The following PTCD3 variants were observed in gnomAD, a reference collection of about 807,000 sequenced individuals.
PTCD3 encodes small ribosomal subunit protein mS39.
PTCD3 carries 89 observed loss-of-function variants against 101.9 expected under a neutral mutation model. The observed-to-expected ratio is 0.87, with a 90% confidence interval of 0.74 to 1.04. PTCD3 has a LOEUF of 1.04. Among genes scored for constraint, PTCD3 ranks in the 50% least tolerant of loss-of-function variants. The pLI is 0.00. For missense variants in PTCD3, 870 were observed against 828.2 expected (o/e 1.05, Z -0.62); for synonymous variants, 296 against 278.5 (o/e 1.06, Z -0.63).
At position 86,106,312 on chromosome 2, in the gene PTCD3, GT is replaced by G; in HGVS notation, c.66del (p.Arg23GlyfsTer29). 6 of 1,614,104 alleles carry G rather than the reference GT, an allele frequency of 3.7e-6. No individual in the cohort carries two copies. Among genetic ancestry groups the G allele is most frequent in the Non-Finnish European group, 4.2e-6 (5 of 1,180,004 alleles). ...AGCAGGCTTGGCCAGCCGCTGACGG[GT>G]CGGCGGGCGGGTTTGTGTGAACAGG... is the stretch of plus-strand genomic sequence containing the variant. The part of the protein sequence containing the change: ...LRSRLGQPLT[G>X]RRAGLCEQAR... On this transcript the variant is annotated frameshift_variant, in exon 1 of 24. Transcript: ENST00000254630. LOFTEE classifies it high-confidence loss of function.
At chr2:86,135,908 T>G (rs766987143) in intron 21 of PTCD3, 2 of 519,144 alleles carry the variant, frequency 3.9e-6, no homozygotes, top group Non-Finnish European at 7.7e-6. Flanking sequence ...GGACCTCAGC[T>G]GAGTCATGGG....
chr2:86,125,386 C>G (rs1674365115), intron 10 of PTCD3, 69 bp from the exon 11 acceptor site: 1 of 1,491,444 alleles, frequency 6.7e-7, no homozygotes. Flanking sequence ...TTACCAAACT[C>G]TAGGACAGAA....
intron 1 of PTCD3, among the ~76,000 whole-genome samples, chr2:86,107,392 ATTC>A (rs2104444597): frequency 6.6e-6 from 1 of 152,304 alleles, no homozygotes; most frequent in South Asian, 2.1e-4. Context: ...GTAGAGGGGT[ATTC>A]TTGTTTTAAA....
intron 16 of PTCD3, 69 bp downstream of exon 16, chr2:86,131,175 T>A: frequency 8.2e-7 from 1 of 1,220,488 alleles, no homozygotes; most frequent in Non-Finnish European, 1.2e-6. Context: ...GGGTTCTCCC[T>A]GGTTCTTTTC....
chr2:86,121,318 C>T (rs944191288), intron 7 of PTCD3, 161 bp from the exon 8 acceptor site: 1 of 485,408 alleles, frequency 2.1e-6, no homozygotes, highest in African/African-American at 2.0e-5. Flanking sequence ...TACGTCACTT[C>T]AGGTGTTTAA....
chr2:86,120,860 C>G (rs1010658895), intron 7 of PTCD3, among the ~76,000 whole-genome samples: 2 of 152,172 alleles, frequency 1.3e-5, no homozygotes, highest in East Asian at 1.9e-4. Context: ...TCCTTGCACT[C>G]CAGCCTGGGC....
At chr2:86,123,819 G>T in intron 9 of PTCD3, 57 bp downstream of exon 9, 3 of 1,143,978 alleles carry the variant, frequency 2.6e-6, no homozygotes, top group Non-Finnish European at 3.7e-6. Context: ...CATGGAATAT[G>T]CCCCATCACC....
At position 86,137,285 on chromosome 2, in the gene PTCD3, C is replaced by G. The variant is rs141293154; in HGVS notation, c.1979+145C>G. ...TTTAATGACTATTTCATTTGTCATGCAAGTCAGGAAAGCCTATAGATTTGA... is the reference window on the plus strand; with the variant it reads ...TTTAATGACTATTTCATTTGTCATGGAAGTCAGGAAAGCCTATAGATTTGA... On this transcript the variant is annotated intron_variant, in intron 23 of 23. Transcript: ENST00000254630. 39 of 1,300,672 alleles carry G rather than the reference C, an allele frequency of 3.0e-5. No individual in the cohort carries two copies. The African/African-American group carries it at 5.9e-4, about 20-fold the overall frequency. 80.6% of individuals were successfully genotyped at this position (1,300,672 alleles called of 1,614,324 possible). A position where few individuals can be genotyped will look rare whatever the true frequency, so the allele number is the denominator to read the frequency against.
At chr2:86,109,823 T>C (rs1306675106) in intron 3 of PTCD3, among the ~76,000 whole-genome samples, 2 of 152,238 alleles carry the variant, frequency 1.3e-5, no homozygotes, top group Non-Finnish European at 2.9e-5. Flanking sequence ...ACTTTTTACA[T>C]TGAAAGGAAT....
intron 21 of PTCD3, among the ~76,000 whole-genome samples, chr2:86,135,657 G>T (rs763352282): frequency 9.9e-5 from 15 of 152,180 alleles, no homozygotes; most frequent in South Asian, 2.1e-4. Context: ...AGTCATTAGT[G>T]GGGGGTGCTT....
intron 4 of PTCD3, among the ~76,000 whole-genome samples, chr2:86,115,979 T>C (rs1304038557): frequency 6.6e-6 from 1 of 152,118 alleles, no homozygotes; most frequent in Non-Finnish European, 1.5e-5. Flanking sequence ...ACCTAGAGTT[T>C]AAAACAGTCC....
chr2:86,107,464 C>A (rs1673980435), intron 1 of PTCD3, among the ~76,000 whole-genome samples: 1 of 152,144 alleles, frequency 6.6e-6, no homozygotes, highest in Admixed American at 6.6e-5. Context: ...CACATCTTGA[C>A]AATTTTCTGA....
At chr2:86,111,542 C>A (rs1030532296) in intron 4 of PTCD3, among the ~76,000 whole-genome samples, 1 of 151,316 alleles carries the variant, frequency 6.6e-6, no homozygotes, top group African/African-American at 2.4e-5. Context: ...GAGGAGAGAT[C>A]GCGCCACTGC....
intron 12 of PTCD3, among the ~76,000 whole-genome samples, chr2:86,126,091 G>A (rs971391579): frequency 6.6e-6 from 1 of 152,046 alleles, no homozygotes; most frequent in Admixed American, 6.6e-5. Context: ...TTAGCTGGGC[G>A]TGGTGGTGCA....
intron 4 of PTCD3, among the ~76,000 whole-genome samples, chr2:86,114,507 G>A (rs536777428): frequency 3.5e-4 from 53 of 152,002 alleles, no homozygotes; most frequent in Non-Finnish European, 6.9e-4. Flanking sequence ...CCAGGATGGG[G>A]GTAAAGGAAT....
chr2:86,133,683 T>TG (rs1674531674), intron 19 of PTCD3, among the ~76,000 whole-genome samples: 1 of 152,206 alleles, frequency 6.6e-6, no homozygotes, highest in South Asian at 2.1e-4. Flanking sequence ...GTGCACCTGT[T>TG]GCGGGATATG....
intron 4 of PTCD3, among the ~76,000 whole-genome samples, chr2:86,113,454 G>A (rs959314469): frequency 4.6e-5 from 7 of 152,056 alleles, no homozygotes; most frequent in East Asian, 1.9e-4. Flanking sequence ...TCCTTAAGTC[G>A]ATTATTACAA....
chr2:86,109,981 G>A (rs11127016), intron 3 of PTCD3, among the ~76,000 whole-genome samples: 42,220 of 152,074 alleles, frequency 0.28, 7,106 homozygotes, highest in East Asian at 0.5. Context: ...CAAATTCATC[G>A]TGGAGAGGGG....
At chr2:86,132,678 C>A (rs372706744) in intron 17 of PTCD3, 68 of 378,570 alleles carry the variant, frequency 1.8e-4, no homozygotes, top group African/African-American at 1.4e-3. Context: ...TTTCCTCTAC[C>A]CCCTCTCATT....
Sources: gnomAD v4.1 joint callset for allele counts (sites outside exome capture counted in the v4.1 genomes callset) on GRCh38, gnomAD v4.1.1 for gene constraint, MANE v1.5 for transcripts, NCBI Gene and HGNC (gene_info 2026-07-23, HGNC 2026-07-21) for gene names.